The following ZNF761 variants were observed in gnomAD, a reference collection of about 807,000 sequenced individuals.
ZNF761 encodes the protein zinc finger protein 761.
Under a neutral mutation model 59.9 loss-of-function variants are expected in ZNF761, and 43 were observed. The observed-to-expected ratio is 0.72, with a 90% CI of 0.56 to 0.92. The LOEUF is 0.92. Among genes scored for constraint, ZNF761 ranks in the 40% least tolerant of loss-of-function variants. The pLI, the probability that ZNF761 is intolerant of heterozygous loss-of-function variation, is 0.00. For synonymous variants in ZNF761, 294 were observed against 304.8 expected (o/e 0.96, Z 0.37); for missense variants, 850 against 906.1 (o/e 0.94, Z 0.79).
intron 3 of ZNF761, among the ~76,000 whole-genome samples, chr19:53,447,960 G>A (rs1188819075): frequency 1.3e-5 from 2 of 152,096 alleles, no homozygotes; most frequent in Non-Finnish European, 2.9e-5. Flanking sequence ...TGAAACAGGT[G>A]TTTTCATTAA....
At chr19:53,453,240 G>A (rs1281896387) in intron 4 of ZNF761, among the ~76,000 whole-genome samples, 3 of 152,138 alleles carry the variant, frequency 2.0e-5, no homozygotes, top group East Asian at 3.9e-4. Context: ...CTGACTTCAT[G>A]ATCCGCCTGC....
intron 1 of ZNF761, chr19:53,442,375 G>A (rs2086110064): frequency 7.9e-6 from 8 of 1,017,322 alleles, no homozygotes; most frequent in Non-Finnish European, 1.1e-5. Flanking sequence ...AAGTGTCTGA[G>A]TGCAGCTGAA....
At chr19:53,436,774 C>T (rs1324205762) in intron 1 of ZNF761, among the ~76,000 whole-genome samples, 1 of 152,200 alleles carries the variant, frequency 6.6e-6, no homozygotes, top group Non-Finnish European at 1.5e-5. Context: ...TTAGTCACTT[C>T]TTGCACTTTT....
At chr19:53,445,745 GAC>G (rs1319133155) in intron 1 of ZNF761, among the ~76,000 whole-genome samples, 1 of 152,162 alleles carries the variant, frequency 6.6e-6, no homozygotes, top group Admixed American at 6.5e-5. Flanking sequence ...TGTAGACTCA[GAC>G]ACAGAGACCA....
chr19:53,447,881 G>A (rs2086177402), intron 3 of ZNF761, among the ~76,000 whole-genome samples: 1 of 152,162 alleles, frequency 6.6e-6, no homozygotes, highest in Admixed American at 6.5e-5. Flanking sequence ...AACAATAGCA[G>A]GAGATTCATT....
intron 4 of ZNF761, among the ~76,000 whole-genome samples, chr19:53,453,882 TATAAAA>T (rs2147141989): frequency 8.2e-6 from 1 of 122,438 alleles, no homozygotes; most frequent in South Asian, 2.6e-4. Flanking sequence ...ATCTCAAAAA[TATAAAA>T]ATAAAAAAAA....
intron 1 of ZNF761, among the ~76,000 whole-genome samples, chr19:53,438,878 G>T (rs1282014496): frequency 6.6e-6 from 1 of 152,166 alleles, no homozygotes; most frequent in Non-Finnish European, 1.5e-5. Flanking sequence ...CTCCTCTCAG[G>T]TTGGGGCAGG....
At chr19:53,433,017 G>GA (rs1568795927) in intron 1 of ZNF761, among the ~76,000 whole-genome samples, 1 of 94,956 alleles carries the variant, frequency 1.1e-5, no homozygotes, top group South Asian at 3.2e-4. Flanking sequence ...GGACACCTGG[G>GA]GATCTGGGGT....
chr19:53,447,308 G>A, intron 3 of ZNF761, 25 bp downstream of exon 3: 2 of 1,612,610 alleles, frequency 1.2e-6, no homozygotes, highest in Non-Finnish European at 8.5e-7. Context: ...TCAGTGGATT[G>A]TTCTGTCTCC....
chr19:53,457,220 C>A lies in ZNF761; in HGVS notation c.*472C>A. The A allele has an allele frequency of 2.1e-6, 1 of 483,270 alleles. No homozygotes were observed. The highest frequency in any genetic ancestry group is 4.1e-6 in the Non-Finnish European group (1 of 241,454). 29.9% of individuals were successfully genotyped at this position (483,270 alleles called of 1,614,324 possible). ...CAACCATTGTGAATCACTGGAGAAT[C>A]CATAAGGAAGAGAGATCATACTAGG... On this transcript the variant is annotated 3_prime_UTR_variant, in exon 5 of 5. Coordinates refer to ENST00000684525, the MANE Select transcript of ZNF761 (RefSeq NM_001289951.2).
At position 53,455,918 on chromosome 19, in the gene ZNF761, T is replaced by G; in HGVS notation, c.1411T>G (p.Cys471Gly). Residue 471 changes from cysteine (C) to glycine (G), a missense_variant, in exon 5 of 5, where the codon TGT becomes GGT. By Grantham distance (159) the Cys-to-Gly change is radical (BLOSUM62 -3). Transcript: ENST00000684525. ...AGAGCAACCTTACAAATGTGAAGAA[T>G]GTGACAAAGCTTTCCGTTTCAAATC... ...TGEQPYKCEE[C>G]DKAFRFKSNL... is the part of the protein sequence containing the mutation. 6.2e-7 allele frequency: 1 copy of G among 1,613,472 alleles called. No individual in the cohort carries two copies. Among genetic ancestry groups the G allele is most frequent in the South Asian group, 1.1e-5 (1 of 91,048 alleles).
In ZNF761 at chr19:53,456,744, T is replaced by C. The variant is rs2086276574; in HGVS notation, c.2237T>C (p.Val746Ala). The change falls in exon 5 of 5, where the codon GTG (valine) becomes GCG (alanine). Residue 746 changes from valine to alanine, a missense_variant. Physicochemically the swap from Val to Ala is moderately conservative, Grantham distance 64. Coordinates refer to ENST00000684525, the MANE Select transcript of ZNF761 (RefSeq NM_001289951.2). ...HRRLHTGEKQV is the reference protein window; with the variant it reads ...HRRLHTGEKQA ...AGACTTCATACTGGAGAAAAACAAG[T>C]GTAATGAATGTGGTGAGGTTTTTAA... The C allele has an allele frequency of 6.2e-7, 1 of 1,613,266 alleles. No individual in the cohort carries two copies. The highest frequency in any genetic ancestry group is 1.7e-4 in the Middle Eastern group (1 of 6,054).
At chr19:53,445,766 GC>G (rs1476832311) in intron 1 of ZNF761, among the ~76,000 whole-genome samples, 1 of 151,648 alleles carries the variant, frequency 6.6e-6, no homozygotes, top group African/African-American at 2.4e-5. Context: ...CATCTTCGAG[GC>G]CTTTCTCTGT....
At chr19:53,441,637 G>C (rs1247937864) in intron 1 of ZNF761, among the ~76,000 whole-genome samples, 1 of 152,024 alleles carries the variant, frequency 6.6e-6, no homozygotes, top group African/African-American at 2.4e-5. Flanking sequence ...AGCAGAGATG[G>C]GGTTTCACCA....
chr19:53,453,496 A>G (rs1483956576), intron 4 of ZNF761, among the ~76,000 whole-genome samples: 1 of 152,160 alleles, frequency 6.6e-6, no homozygotes, highest in Non-Finnish European at 1.5e-5. Flanking sequence ...ATGGATTACA[A>G]TATTTTACTA....
In ZNF761 at chr19:53,455,581, G is replaced by A. The variant is rs1216553783; in HGVS notation, c.1074G>A (p.Glu358=). The part of the protein sequence containing the change: ...HTGEKPYKCN[E]CGKTFSHKSS... ...GAGAGAAACCTTACAAGTGTAATGA[G>A]TGTGGCAAGACCTTTAGTCACAAGT... Residue 358 remains glutamate (E), a synonymous_variant, in exon 5 of 5, where the codon GAG becomes GAA. Transcript: ENST00000684525. The A allele has an allele frequency of 1.2e-6, 2 of 1,613,806 alleles. No homozygotes were observed. The highest frequency in any genetic ancestry group is 1.7e-6 in the Non-Finnish European group (2 of 1,179,972).
chr19:53,437,841 G>A (rs1400074400), intron 1 of ZNF761, among the ~76,000 whole-genome samples: 1 of 149,082 alleles, frequency 6.7e-6, no homozygotes, highest in Non-Finnish European at 1.5e-5. Context: ...TGTAAATACT[G>A]ACTTTCTTCT....
At chr19:53,453,636 G>C (rs1161686882) in intron 4 of ZNF761, among the ~76,000 whole-genome samples, 1 of 152,186 alleles carries the variant, frequency 6.6e-6, no homozygotes, top group Non-Finnish European at 1.5e-5. Flanking sequence ...AGGACTTTGA[G>C]AGGTTGAGGC....
Position 53,455,720 on chromosome 19 carries a change from A to G in ZNF761, c.1213A>G (p.Thr405Ala). ...SSLTCHRRLH[T>A]GEKPYKCEEC... The stretch of plus-strand genomic sequence containing the variant: ...CCTTACATGCCATCGTAGACTTCAT[A>G]CTGGAGAGAAACCTTACAAATGTGA... Residue 405 changes from threonine to alanine, a missense_variant, in exon 5 of 5, where the codon ACT becomes GCT. Coordinates refer to ENST00000684525, the MANE Select transcript of ZNF761 (RefSeq NM_001289951.2). 6.2e-7 allele frequency: 1 copy of G among 1,613,854 alleles called. No homozygotes were observed. The highest frequency in any genetic ancestry group is 8.5e-7 in the Non-Finnish European group (1 of 1,179,960).
Sources: gnomAD v4.1 joint callset for allele counts (sites outside exome capture counted in the v4.1 genomes callset) on GRCh38, gnomAD v4.1.1 for gene constraint, MANE v1.5 for transcripts, NCBI Gene and HGNC (gene_info 2026-07-23, HGNC 2026-07-21) for gene names.